Variants in POMT1 observed in about 807,000 individuals in gnomAD.
The protein encoded by POMT1 is protein O-mannosyltransferase 1, also known as protein O-mannosyl-transferase 1.
A neutral mutation model predicts 101.6 loss-of-function variants in POMT1; 85 were observed. That is an observed-to-expected ratio of 0.84 (90% CI 0.70 to 1.00). The LOEUF is 1.00. Among genes scored for constraint, POMT1 ranks in the 50% least tolerant of loss-of-function variants. The pLI, the probability that POMT1 is intolerant of heterozygous loss-of-function variation, is 0.00. For missense variants in POMT1, 857 were observed against 930.4 expected (o/e 0.92, Z 1.03); for synonymous variants, 371 against 383.0 (o/e 0.97, Z 0.37).
At position 131,523,117 on chromosome 9, in the gene POMT1, T is replaced by C. The variant is rs370119942; in HGVS notation, c.*11T>C. 5 of 1,609,392 alleles carry C rather than the reference T, an allele frequency of 3.1e-6. No homozygotes were observed. The highest frequency in any genetic ancestry group is 3.3e-5 in the Admixed American group (2 of 59,870). On this transcript the variant is annotated 3_prime_UTR_variant, in exon 20 of 20. Coordinates refer to ENST00000402686, the MANE Select transcript of POMT1 (RefSeq NM_001077365.2). Reference sequence around the variant, plus strand: ...ATCCGAAAACACTAGAACAAGAGTGTGGCAAAGAACACCCGTGCTGGGGTC... The same window carrying C: ...ATCCGAAAACACTAGAACAAGAGTGCGGCAAAGAACACCCGTGCTGGGGTC...
intron 13 of POMT1, 142 bp downstream of exon 13, chr9:131,515,664 A>C: frequency 1.3e-6 from 1 of 788,138 alleles, no homozygotes; most frequent in Non-Finnish European, 2.2e-6. Flanking sequence ...TTCCTCTAAC[A>C]CGGAGCACTT....
rs780353966 is a variant in POMT1, at chr9:131,506,205, G to C, written c.214G>C (p.Val72Leu). 1.2e-6 allele frequency: 2 copies of C among 1,614,164 alleles called. No homozygotes were observed. Among genetic ancestry groups the C allele is most frequent in the Non-Finnish European group, 1.7e-6 (2 of 1,180,020 alleles). ...CAGTGGGCCGCCATTTGGCCACATG[G>C]TGCTGGCCTTGGGAGGTAGGAGTCA... ...DDSGPPFGHM[V>L]LALGGYLGGF... Residue 72 changes from valine (V) to leucine (L), a missense_variant, in exon 3 of 20, where the codon GTG becomes CTG. Val to Leu is a conservative substitution (Grantham distance 32, BLOSUM62 1). Coordinates refer to ENST00000402686, the MANE Select transcript of POMT1 (RefSeq NM_001077365.2).
At chr9:131,507,624 GGT>G in intron 5 of POMT1, 110 bp downstream of exon 5, 1 of 1,492,642 alleles carries the variant, frequency 6.7e-7, no homozygotes, top group Middle Eastern at 2.3e-4. Context: ...AAGTGCATCT[GGT>G]TCATCCAAAT....
Position 131,506,269 on chromosome 9 carries a change from A to C in POMT1, c.229+49A>C, listed in dbSNP as rs762731337. 3.8e-6 allele frequency: 6 copies of C among 1,591,520 alleles called. No individual in the cohort carries two copies. In the South Asian group the frequency reaches 5.5e-5, roughly 15 times the overall value. ...CCCTACCCTTCAGGACCTCAAATACATTTAAAACTTATCAGTGCATTTCTT... is the reference window on the plus strand; with the variant it reads ...CCCTACCCTTCAGGACCTCAAATACCTTTAAAACTTATCAGTGCATTTCTT... On this transcript the variant is annotated intron_variant, in intron 3 of 19. Coordinates refer to ENST00000402686, the MANE Select transcript of POMT1 (RefSeq NM_001077365.2).
intron 13 of POMT1, among the ~76,000 whole-genome samples, chr9:131,517,866 T>TG (rs1280281402): frequency 3.3e-5 from 5 of 152,260 alleles, no homozygotes; most frequent in Non-Finnish European, 5.9e-5. Context: ...GGCCTCCTCA[T>TG]GCCTGCTCCT....
rs1452338667 is a variant in POMT1, at chr9:131,518,428, G to C, written c.1273-17G>C. ...TTTGAAAAGGAATGAAATAATCCTT[G>C]AGATGTCTTTTTGCAGGAAATTGTG... On this transcript the variant is annotated splice_polypyrimidine_tract_variant and intron_variant, in intron 13 of 19. Transcript: ENST00000402686. 5 of 1,594,724 alleles carry C rather than the reference G, an allele frequency of 3.1e-6. No homozygotes were observed. The Admixed American group carries it at 8.3e-5, about 27-fold the overall frequency.
intron 10 of POMT1, chr9:131,511,668 C>T (rs1947143076): frequency 7.4e-6 from 5 of 674,566 alleles, no homozygotes; most frequent in East Asian, 5.7e-5. Context: ...GGCCCAGGGT[C>T]GGCCCCAGCT....
Position 131,523,342 on chromosome 9 carries a change from C to CTAAG in POMT1, c.*237_*240dup. 1 of 555,146 alleles carries CTAAG rather than the reference C, an allele frequency of 1.8e-6. No individual in the cohort carries two copies. Among genetic ancestry groups the CTAAG allele is most frequent in the South Asian group, 2.0e-5 (1 of 51,018 alleles). 34.4% of individuals were successfully genotyped at this position (555,146 alleles called of 1,614,324 possible). A position where few individuals can be genotyped will look rare whatever the true frequency, so the allele number is the denominator to read the frequency against. ...GATATTCCGTGTCTTTACCCCTGAACTAAGACACAGGGAGTATTTCAGAGG... is the reference window on the plus strand; with the variant it reads ...GATATTCCGTGTCTTTACCCCTGAACTAAGTAAGACACAGGGAGTATTTCAGAGG... On this transcript the variant is annotated 3_prime_UTR_variant, in exon 20 of 20. Transcript: ENST00000402686.
Position 131,522,286 on chromosome 9 carries a change from C to CGCA in POMT1, c.2003+66_2003+68dup. On this transcript the variant is annotated intron_variant, in intron 19 of 19. Transcript: ENST00000402686. This position sits in a 1 kb window ranked among gnomAD's most constrained non-coding sequence, Gnocchi z 5.5. ...GCAGCCCTCTGCTGGGAAGCCCATG[C>CGCA]GCAGCAAACACATGGGGTGCAGCGA... 1 of 1,603,572 alleles carries CGCA rather than the reference C, an allele frequency of 6.2e-7. No homozygotes were observed. The highest frequency in any genetic ancestry group is 8.5e-7 in the Non-Finnish European group (1 of 1,178,982).
At chr9:131,515,883 ACACTTCCTCACATGGAG>A (rs1469344811) in intron 13 of POMT1, among the ~76,000 whole-genome samples, 14 of 116,762 alleles carry the variant, frequency 1.2e-4, no homozygotes, top group African/African-American at 4.2e-4. Context: ...CTAACACAGG[ACACTTCCTCACATGGAG>A]CACTTCCTCA....
intron 10 of POMT1, 57 bp downstream of exon 10, chr9:131,511,524 G>A: frequency 6.2e-7 from 1 of 1,603,320 alleles, no homozygotes; most frequent in South Asian, 1.1e-5. Context: ...TCGTAGATTT[G>A]CTTATCTTAG....
At position 131,518,970 on chromosome 9, in the gene POMT1, C is replaced by T. The variant is rs755083777; in HGVS notation, c.1486+13C>T. ...CGATACGGCGCGAGTGAGTCCGCGGCGTGGCTTCCGCCGCTCCTGGAATGT... is the reference window on the plus strand; with the variant it reads ...CGATACGGCGCGAGTGAGTCCGCGGTGTGGCTTCCGCCGCTCCTGGAATGT... On this transcript the variant is annotated intron_variant, in intron 15 of 19. Coordinates refer to ENST00000402686, the MANE Select transcript of POMT1 (RefSeq NM_001077365.2). The T allele has an allele frequency of 2.1e-5, 34 of 1,613,054 alleles. No individual in the cohort carries two copies. The highest frequency in any genetic ancestry group is 5.5e-5 in the South Asian group (5 of 91,080).
intron 6 of POMT1, 140 bp from the exon 7 acceptor site, chr9:131,509,603 G>A: frequency 6.6e-7 from 1 of 1,524,626 alleles, no homozygotes. Context: ...TTGGGAGATG[G>A]GAATTCTTTC....
Position 131,506,159 on chromosome 9 carries a change from A to C in POMT1, c.168A>C (p.Lys56Asn). 1.2e-6 allele frequency: 2 copies of C among 1,614,142 alleles called. No homozygotes were observed. Among genetic ancestry groups the C allele is most frequent in the Non-Finnish European group, 1.7e-6 (2 of 1,180,012 alleles). Residue 56 changes from lysine (K) to asparagine (N), a missense_variant, in exon 3 of 20, where the codon AAA becomes AAC. Physicochemically the swap from Lys to Asn is moderately conservative, Grantham distance 94 (BLOSUM62 0). Transcript: ENST00000402686. ...YYGQYISFYM[K>N]QIFFLDDSGP... is the part of the protein sequence containing the mutation. ...GGCAGTACATCTCTTTTTACATGAAACAAATCTTCTTCTTGGATGACAGTG... is the reference window on the plus strand; with the variant it reads ...GGCAGTACATCTCTTTTTACATGAACCAAATCTTCTTCTTGGATGACAGTG...
chr9:131,505,788 C>T (rs1229820141), intron 2 of POMT1, among the ~76,000 whole-genome samples: 1 of 151,958 alleles, frequency 6.6e-6, no homozygotes, highest in Non-Finnish European at 1.5e-5. Flanking sequence ...GGTGGGTAAG[C>T]AGGATTAGCC....
chr9:131,504,755 A>ATGTGTGTGTGTGTGTGTGTG (rs1049729805), intron 2 of POMT1, among the ~76,000 whole-genome samples: 5 of 148,912 alleles, frequency 3.4e-5, no homozygotes, highest in African/African-American at 1.3e-4. Context: ...TAATGTGTGT[A>ATGTGTGTGTGTGTGTGTGTG]TGTGTGTGTG....
At position 131,504,334 on chromosome 9, in the gene POMT1, C is replaced by T; in HGVS notation, c.116C>T (p.Ala39Val). ...SRLWRLTYPR[A>V]VVFDEVYYGQ... is the part of the protein sequence containing the mutation. ...CTGTGGCGACTCACCTACCCGCGGG[C>T]TGTGGTGTAAGCTAAATGACTCCAT... The change falls in exon 2 of 20, where the codon GCT (alanine) becomes GTT (valine). Residue 39 changes from alanine (A) to valine (V), a missense_variant. Ala to Val is a moderately conservative substitution (Grantham distance 64). Coordinates refer to ENST00000402686, the MANE Select transcript of POMT1 (RefSeq NM_001077365.2). 6.2e-7 allele frequency: 1 copy of T among 1,614,218 alleles called. No homozygotes were observed. Among genetic ancestry groups the T allele is most frequent in the South Asian group, 1.1e-5 (1 of 91,082 alleles).
chr9:131,518,446 A>G lies in POMT1; in HGVS notation c.1274A>G (p.Glu425Gly), dbSNP rs1224261160. The G allele has an allele frequency of 1.2e-6, 2 of 1,612,970 alleles. No homozygotes were observed. The highest frequency in any genetic ancestry group is 1.7e-5 in the Admixed American group (1 of 60,030). Reference sequence around the variant, plus strand: ...AATCCTTGAGATGTCTTTTTGCAGGAAATTGTGAACAGAGGATCTGACACA... The same window carrying G: ...AATCCTTGAGATGTCTTTTTGCAGGGAATTGTGAACAGAGGATCTGACACA... ...SMPAQNLWRL[E>G]IVNRGSDTDV... is the part of the protein sequence containing the mutation. Residue 425 changes from glutamate (E) to glycine (G), a missense_variant and splice_region_variant, in exon 14 of 20, where the codon GAA becomes GGA. Physicochemically the swap from Glu to Gly is moderately conservative, Grantham distance 98. Coordinates refer to ENST00000402686, the MANE Select transcript of POMT1 (RefSeq NM_001077365.2).
chr9:131,515,431 A>AT lies in POMT1; in HGVS notation c.1182dup (p.Val395CysfsTer17). On this transcript the variant is annotated frameshift_variant, in exon 13 of 20. Transcript: ENST00000402686. LOFTEE classifies it high-confidence loss of function. ...TCTCGGTCTTGGTTTTCCAGGCATGATGTTGCAGCCCCCCTGAGCCCCCAT... is the reference window on the plus strand; with the variant it reads ...TCTCGGTCTTGGTTTTCCAGGCATGATTGTTGCAGCCCCCCTGAGCCCCCAT... 1 of 1,614,206 alleles carries AT rather than the reference A, an allele frequency of 6.2e-7. No individual in the cohort carries two copies. Among genetic ancestry groups the AT allele is most frequent in the Non-Finnish European group, 8.5e-7 (1 of 1,180,028 alleles).
Sources: allele counts gnomAD v4.1 joint callset (sites outside exome capture counted in the v4.1 genomes callset), GRCh38; gene constraint gnomAD v4.1.1; non-coding constraint Gnocchi (gnomAD v3.1); transcripts MANE v1.5; gene names NCBI Gene and HGNC (gene_info 2026-07-23, HGNC 2026-07-21).